PLCE1: variants seen among roughly 807,000 people sequenced by gnomAD.
The protein encoded by PLCE1 is phospholipase C epsilon 1, also known as 1-phosphatidylinositol 4,5-bisphosphate phosphodiesterase epsilon-1.
PLCE1 carries 119 observed loss-of-function variants against 242.8 expected under a neutral mutation model. The ratio of observed to expected loss-of-function variants is 0.49; its 90% CI spans 0.42 to 0.57. The LOEUF (loss-of-function observed/expected upper bound fraction) is 0.57, where lower values mean the gene tolerates loss of function less well. Among genes scored for constraint, PLCE1 ranks in the 20% least tolerant of loss-of-function variants. The pLI is 0.00. For missense variants in PLCE1, 2,441 were observed against 2,788.8 expected (o/e 0.88, Z 2.81); for synonymous variants, 945 against 1,017.4 (o/e 0.93, Z 1.35).
intron 11 of PLCE1, among the ~76,000 whole-genome samples, chr10:94,258,356 A>G (rs1332701493): frequency 6.6e-6 from 1 of 152,240 alleles, no homozygotes; most frequent in East Asian, 1.9e-4. Flanking sequence ...TAAGAAAGGA[A>G]TCAGACAATA....
chr10:94,215,086 C>G (rs2049475597), intron 4 of PLCE1, among the ~76,000 whole-genome samples: 1 of 152,108 alleles, frequency 6.6e-6, no homozygotes, highest in South Asian at 2.1e-4. Context: ...GCCCATAGGT[C>G]TTCTATGTCA....
chr10:94,247,659 T>C (rs560041854), intron 8 of PLCE1, among the ~76,000 whole-genome samples: 42 of 152,248 alleles, frequency 2.8e-4, no homozygotes, highest in Admixed American at 1.2e-3. Flanking sequence ...ATAATTCTTA[T>C]GTGGAGTTCT....
At chr10:94,326,943 G>A (rs1282992281) in intron 32 of PLCE1, among the ~76,000 whole-genome samples, 1 of 151,070 alleles carries the variant, frequency 6.6e-6, no homozygotes, top group East Asian at 2.0e-4. Flanking sequence ...GGCAGATCAC[G>A]AGGTCAAGAG....
chr10:94,018,511 G>A (rs2061320884), intron 1 of PLCE1, among the ~76,000 whole-genome samples: 1 of 152,108 alleles, frequency 6.6e-6, no homozygotes, highest in Admixed American at 6.5e-5. Flanking sequence ...CCCAGGGCAG[G>A]TCCTCTTCTA....
At chr10:94,150,173 G>C (rs1246564993) in intron 3 of PLCE1, among the ~76,000 whole-genome samples, 1 of 152,142 alleles carries the variant, frequency 6.6e-6, no homozygotes, top group African/African-American at 2.4e-5. Flanking sequence ...CTTCCACTAC[G>C]GCCCCGCCGC....
intron 6 of PLCE1, among the ~76,000 whole-genome samples, 174 bp downstream of exon 6, chr10:94,234,486 A>G (rs1183527628): frequency 1.3e-5 from 2 of 152,212 alleles, no homozygotes; most frequent in South Asian, 2.1e-4. Flanking sequence ...AAGAATGCCA[A>G]CTAGCGCTGT....
chr10:94,289,845 C>T (rs1216129402), intron 22 of PLCE1, among the ~76,000 whole-genome samples: 1 of 151,980 alleles, frequency 6.6e-6, no homozygotes, highest in Non-Finnish European at 1.5e-5. Context: ...ACACTGTACA[C>T]TAAGGCTACA....
At chr10:94,204,454 G>A (rs2049081533) in intron 4 of PLCE1, among the ~76,000 whole-genome samples, 1 of 151,882 alleles carries the variant, frequency 6.6e-6, no homozygotes, top group African/African-American at 2.4e-5. Context: ...GAATCACGAG[G>A]TCAGGAGTTC....
At position 94,184,018 on chromosome 10, in the gene PLCE1, T is replaced by C. The variant is rs548577050; in HGVS notation, c.1809+12522T>C. Among the ~76,000 whole-genome samples, 40 of 152,316 alleles carry C rather than the reference T, an allele frequency of 2.6e-4. 1 individual carries two copies. In the South Asian group the frequency reaches 8.3e-3, roughly 32 times the overall value. On this transcript the variant is annotated intron_variant, in intron 4 of 32. Transcript: ENST00000371380. The stretch of plus-strand genomic sequence containing the variant: ...TTGAACAGGGCAAACATCCAAACCA[T>C]AGCATAAACTATCAGCAAGTTTCAT...
At chr10:94,187,081 G>C (rs2048500419) in intron 4 of PLCE1, among the ~76,000 whole-genome samples, 1 of 151,872 alleles carries the variant, frequency 6.6e-6, no homozygotes, top group Non-Finnish European at 1.5e-5. Context: ...AATAAGTAAT[G>C]AAAGGCTACA....
rs779639587 is a variant in PLCE1, at chr10:94,259,156, T to C, written c.3814+6T>C. The C allele has an allele frequency of 2.5e-6, 4 of 1,614,120 alleles. No individual in the cohort carries two copies. In the Admixed American group the frequency reaches 5.0e-5, roughly 20 times the overall value. ...CGATCTTCAGCCTGACCTAGGTTTG[T>C]TGAACATTTTAGGATTTCCCTTTGG... On this transcript the variant is annotated splice_donor_region_variant and intron_variant, in intron 13 of 32. Coordinates refer to ENST00000371380, the MANE Select transcript of PLCE1 (RefSeq NM_016341.4).
intron 2 of PLCE1, among the ~76,000 whole-genome samples, chr10:94,106,825 G>T (rs1182375402): frequency 6.7e-6 from 1 of 149,426 alleles, no homozygotes; most frequent in African/African-American, 2.5e-5. Context: ...CTCTCTTTTT[G>T]CACAGTGAAT....
At chr10:94,205,761 G>A (rs1433084971) in intron 4 of PLCE1, among the ~76,000 whole-genome samples, 1 of 152,224 alleles carries the variant, frequency 6.6e-6, no homozygotes, top group Non-Finnish European at 1.5e-5. Flanking sequence ...TGTGTCAGAG[G>A]CAGGCTGCCA....
At chr10:94,321,078 G>A (rs998923123) in intron 29 of PLCE1, among the ~76,000 whole-genome samples, 1 of 152,130 alleles carries the variant, frequency 6.6e-6, no homozygotes, top group African/African-American at 2.4e-5. Context: ...TAATTTTACT[G>A]TGAATTTTGT....
chr10:94,222,380 C>T (rs1222099417), intron 4 of PLCE1, among the ~76,000 whole-genome samples: 1 of 152,184 alleles, frequency 6.6e-6, no homozygotes, highest in Non-Finnish European at 1.5e-5. Context: ...CACTCCTTCG[C>T]TGACTCTTGT....
intron 2 of PLCE1, among the ~76,000 whole-genome samples, chr10:94,116,520 C>A (rs932520947): frequency 6.6e-6 from 1 of 152,118 alleles, no homozygotes; most frequent in Non-Finnish European, 1.5e-5. Flanking sequence ...CATGGTGAAA[C>A]CCCATCTCTA....
intron 2 of PLCE1, chr10:94,105,471 A>C (rs374677909): frequency 7.9e-5 from 12 of 152,392 alleles, no homozygotes; most frequent in African/African-American, 2.9e-4. Context: ...ACATTGACTG[A>C]TAGCGCCTCC....
At chr10:94,047,141 C>A (rs2043615516) in intron 2 of PLCE1, among the ~76,000 whole-genome samples, 1 of 152,122 alleles carries the variant, frequency 6.6e-6, no homozygotes, top group South Asian at 2.1e-4. Context: ...TGATTCTTGT[C>A]TTGATTTTTA....
At chr10:94,087,812 A>G (rs2044892302) in intron 2 of PLCE1, among the ~76,000 whole-genome samples, 1 of 152,230 alleles carries the variant, frequency 6.6e-6, no homozygotes, top group African/African-American at 2.4e-5. Flanking sequence ...TCATGACAGA[A>G]CTGGGCCAGG....
Sources: allele counts gnomAD v4.1 joint callset (sites outside exome capture counted in the v4.1 genomes callset), GRCh38; gene constraint gnomAD v4.1.1; transcripts MANE v1.5; gene names NCBI Gene and HGNC (gene_info 2026-07-23, HGNC 2026-07-21).